CASP6: variants seen among roughly 807,000 people sequenced by gnomAD.
CASP6 encodes the protein caspase 6, also known as caspase-6.
In CASP6, 20 loss-of-function variants were observed where a neutral mutation model predicts 31.8. The observed-to-expected ratio is 0.63, with a 90% CI of 0.44 to 0.91. The LOEUF (loss-of-function observed/expected upper bound fraction) is 0.91, where lower values mean the gene tolerates loss of function less well. Ranked by LOEUF, CASP6 falls within the 40% of genes least tolerant of loss-of-function variation. The probability of loss-of-function intolerance (pLI) is 0.00; values close to 1 mark genes in which losing one functional copy is unlikely to be tolerated. For synonymous variants in CASP6, 130 were observed against 127.8 expected, an observed-to-expected ratio of 1.02 and a Z score of -0.12; for missense variants, 328 against 361.1, an observed-to-expected ratio of 0.91 and a Z score of 0.74.
upstream of CASP6, among the ~76,000 whole-genome samples, chr4:109,707,664 T>C (rs1391886306): frequency 2.0e-5 from 3 of 152,198 alleles, no homozygotes; most frequent in African/African-American, 7.2e-5. Context: ...ATTACGGGCA[T>C]GAGCCACGAC....
the CASP6 span, among the ~76,000 whole-genome samples, chr4:109,664,957 T>G: frequency 1.3e-5 from 2 of 151,348 alleles, no homozygotes; most frequent in Admixed American, 6.6e-5. Flanking sequence ...AAAAAAAAAT[T>G]GTATTATTTA....
chr4:109,706,670 C>G (rs1349213164), upstream of CASP6, among the ~76,000 whole-genome samples: 1 of 152,142 alleles, frequency 6.6e-6, no homozygotes, highest in Non-Finnish European at 1.5e-5. Flanking sequence ...GTGGCTCATG[C>G]CTGTAATCCC....
chr4:109,707,387 ATT>A (rs570364377), upstream of CASP6, among the ~76,000 whole-genome samples: 36 of 136,276 alleles, frequency 2.6e-4, no homozygotes, highest in African/African-American at 4.0e-4. Context: ...TAACTCCTGG[ATT>A]TTTTTTTTTT....
chr4:109,679,433 G>A, the CASP6 span, among the ~76,000 whole-genome samples: 377 of 152,324 alleles, frequency 2.5e-3, 1 homozygote, highest in South Asian at 0.017. Flanking sequence ...ATCACCTGAG[G>A]CCAGGAGCTG....
At chr4:109,702,669 G>GT (rs1730458808) in intron 1 of CASP6, 1 of 152,256 alleles carries the variant, frequency 6.6e-6, no homozygotes, top group African/African-American at 2.4e-5. Context: ...CAGGCTTGAA[G>GT]TTTCTAAACT....
intron 5 of CASP6, chr4:109,692,615 GC>G (rs1050980605): frequency 6.6e-6 from 1 of 152,080 alleles, no homozygotes; most frequent in African/African-American, 2.4e-5. Flanking sequence ...TCCCTCTTCA[GC>G]CCATTCCTCA....
chr4:109,664,610 G>T, the CASP6 span, among the ~76,000 whole-genome samples: 1 of 151,830 alleles, frequency 6.6e-6, no homozygotes, highest in Non-Finnish European at 1.5e-5. Flanking sequence ...CATTTTTTTA[G>T]GGATTGGGTC....
the CASP6 span, among the ~76,000 whole-genome samples, chr4:109,670,631 G>A: frequency 6.6e-6 from 1 of 151,680 alleles, no homozygotes; most frequent in Non-Finnish European, 1.5e-5. Flanking sequence ...CAGGAGAATC[G>A]CTTGAACCCG....
upstream of CASP6, among the ~76,000 whole-genome samples, chr4:109,704,956 C>A (rs1198347426): frequency 6.6e-6 from 1 of 152,198 alleles, no homozygotes; most frequent in Non-Finnish European, 1.5e-5. Context: ...CTGCCCGCCT[C>A]GGTCTCCCAA....
chr4:109,674,114 C>T, the CASP6 span: 1 of 1,434,892 alleles, frequency 7.0e-7, no homozygotes, highest in South Asian at 1.1e-5. Flanking sequence ...TGGGCAAAAC[C>T]TAAGCCTTAG....
downstream of CASP6, chr4:109,688,247 G>T (rs1729899654): frequency 6.6e-6 from 1 of 152,194 alleles, no homozygotes. Context: ...TAACAAAACA[G>T]TATTATTCAG....
At chr4:109,676,530 A>C in the CASP6 span, among the ~76,000 whole-genome samples, 1 of 152,182 alleles carries the variant, frequency 6.6e-6, no homozygotes, top group Non-Finnish European at 1.5e-5. Context: ...TACTCTGTTC[A>C]TGACAATACA....
At chr4:109,708,051 T>A (rs1023438012), upstream of CASP6, among the ~76,000 whole-genome samples, 10 of 152,138 alleles carry the variant, frequency 6.6e-5, no homozygotes, top group African/African-American at 2.4e-4. Flanking sequence ...TCTAATATAT[T>A]AAAATAAGTA....
the CASP6 span, chr4:109,673,818 TAGGGA>T: frequency 1.4e-6 from 1 of 714,570 alleles, no homozygotes; most frequent in Non-Finnish European, 2.6e-6. Flanking sequence ...TTTTTCGCTC[TAGGGA>T]GATTCTTCAA....
chr4:109,665,299 T>A, the CASP6 span, among the ~76,000 whole-genome samples: 5 of 152,214 alleles, frequency 3.3e-5, no homozygotes, highest in Admixed American at 3.3e-4. Flanking sequence ...ATTAAAAGTG[T>A]CTTGGGTCTT....
At chr4:109,676,709 G>A in the CASP6 span, among the ~76,000 whole-genome samples, 2 of 152,176 alleles carry the variant, frequency 1.3e-5, no homozygotes, top group African/African-American at 4.8e-5. Context: ...ACAAGACTGG[G>A]CAGTTACAAA....
chr4:109,690,138 T>C (rs995681708), intron 6 of CASP6, among the ~76,000 whole-genome samples: 4 of 149,734 alleles, frequency 2.7e-5, no homozygotes, highest in African/African-American at 5.0e-5. Flanking sequence ...TGAGCTGACA[T>C]TGGACCACTG....
chr4:109,681,580 C>A, the CASP6 span: 1 of 358,088 alleles, frequency 2.8e-6, no homozygotes, highest in South Asian at 2.1e-5. Flanking sequence ...TGCAGTGTTA[C>A]AGCTCTATTA....
chr4:109,670,950 C>G, the CASP6 span, among the ~76,000 whole-genome samples: 17 of 152,146 alleles, frequency 1.1e-4, no homozygotes, highest in Non-Finnish European at 2.1e-4. Flanking sequence ...AGCAATTTGT[C>G]AGTTACAGTT....
Sources: gnomAD v4.1 joint callset for allele counts (sites outside exome capture counted in the v4.1 genomes callset) on GRCh38, gnomAD v4.1.1 for gene constraint, MANE v1.5 for transcripts, NCBI Gene and HGNC (gene_info 2026-07-23, HGNC 2026-07-21) for gene names.